The following ATG7 variants were observed in gnomAD, a reference collection of about 807,000 sequenced individuals.
ATG7 encodes ubiquitin-like modifier-activating enzyme ATG7.
ATG7 carries 70 observed loss-of-function variants against 82.4 expected under a neutral mutation model. The ratio of observed to expected loss-of-function variants is 0.85; its 90% CI spans 0.70 to 1.04. The LOEUF (loss-of-function observed/expected upper bound fraction) is 1.04, where lower values mean the gene tolerates loss of function less well. Ranked by LOEUF, ATG7 falls within the 50% of genes least tolerant of loss-of-function variation. The pLI, the probability that ATG7 is intolerant of heterozygous loss-of-function variation, is 0.00. For synonymous variants in ATG7, 287 were observed against 313.0 expected (o/e 0.92, Z 0.88); for missense variants, 792 against 864.3 (o/e 0.92, Z 1.05).
intron 20 of ATG7, among the ~76,000 whole-genome samples, chr3:11,526,016 G>A (rs185001466): frequency 7.2e-5 from 11 of 152,270 alleles, no homozygotes; most frequent in Admixed American, 2.0e-4. Context: ...GTTCAGTGCT[G>A]TGCTGATATA....
intron 17 of ATG7, among the ~76,000 whole-genome samples, chr3:11,363,300 TG>T (rs906827141): frequency 1.7e-4 from 26 of 152,028 alleles, no homozygotes; most frequent in African/African-American, 6.0e-4. Context: ...TGGAGTGTAA[TG>T]GCACGATTTT....
chr3:11,541,067 T>A (rs1390098804), intron 20 of ATG7, among the ~76,000 whole-genome samples: 1 of 151,768 alleles, frequency 6.6e-6, no homozygotes, highest in Non-Finnish European at 1.5e-5. Context: ...ACCTGGCTAA[T>A]TTTTTTGTAT....
chr3:11,279,289 C>CA (rs1355000496), intron 1 of ATG7, among the ~76,000 whole-genome samples: 2 of 152,148 alleles, frequency 1.3e-5, no homozygotes, highest in African/African-American at 4.8e-5. Flanking sequence ...TAGCTCTAAA[C>CA]AAAAAAGAAT....
the ATG7 span, among the ~76,000 whole-genome samples, chr3:11,564,577 C>T: frequency 1.3e-5 from 2 of 151,832 alleles, no homozygotes; most frequent in South Asian, 4.1e-4. Context: ...AAGGCCCGGG[C>T]AGGTCTGGGC....
chr3:11,495,573 C>T (rs748535868), intron 20 of ATG7, among the ~76,000 whole-genome samples: 19 of 152,112 alleles, frequency 1.2e-4, no homozygotes, highest in South Asian at 2.1e-4. Flanking sequence ...AGTTTCCTAA[C>T]GACTGGAAAA....
At chr3:11,478,252 TTAAA>T (rs1352936905) in intron 20 of ATG7, among the ~76,000 whole-genome samples, 1 of 152,186 alleles carries the variant, frequency 6.6e-6, no homozygotes, top group Non-Finnish European at 1.5e-5. Context: ...AAAAAATTAT[TTAAA>T]TGTTTTCCCA....
At chr3:11,339,079 G>A (rs1195894698) in intron 11 of ATG7, among the ~76,000 whole-genome samples, 2 of 151,964 alleles carry the variant, frequency 1.3e-5, no homozygotes, top group Admixed American at 6.6e-5. Flanking sequence ...GGTGGATCAC[G>A]AGGTCAGGAG....
chr3:11,321,594 A>G (rs1950232456), intron 9 of ATG7, among the ~76,000 whole-genome samples: 1 of 152,190 alleles, frequency 6.6e-6, no homozygotes, highest in Admixed American at 6.5e-5. Flanking sequence ...AATGCTTCCT[A>G]TAGTGAAAAA....
chr3:11,322,291 T>C (rs927311793), intron 9 of ATG7, among the ~76,000 whole-genome samples: 3 of 152,224 alleles, frequency 2.0e-5, no homozygotes, highest in African/African-American at 7.2e-5. Flanking sequence ...AAAATTCTAG[T>C]TGTGACCCAG....
chr3:11,544,831 A>C (rs1161842266), intron 20 of ATG7, among the ~76,000 whole-genome samples: 1 of 152,184 alleles, frequency 6.6e-6, no homozygotes. Flanking sequence ...TCTCTACTAG[A>C]CCAGGCTCTG....
intron 20 of ATG7, among the ~76,000 whole-genome samples, chr3:11,466,740 G>T (rs1236225010): frequency 6.6e-6 from 1 of 152,174 alleles, no homozygotes; most frequent in East Asian, 1.9e-4. Flanking sequence ...AAACTCAACT[G>T]TTGGATGCAT....
At chr3:11,576,230 G>A in the ATG7 span, among the ~76,000 whole-genome samples, 1 of 152,128 alleles carries the variant, frequency 6.6e-6, no homozygotes, top group African/African-American at 2.4e-5. Flanking sequence ...AATTCAGATG[G>A]GGCAGGAATC....
Position 11,426,656 on chromosome 3 carries a change from G to GT in ATG7, c.1957-142dup. Reference sequence around the variant, plus strand: ...AGATGATAAATACTAAGCCGTACTAGTTTTTTGGCCACTAGATTGCATTAT... The same window carrying GT: ...AGATGATAAATACTAAGCCGTACTAGTTTTTTTGGCCACTAGATTGCATTAT... On this transcript the variant is annotated intron_variant, in intron 19 of 20. Transcript: ENST00000693202. The GT allele has an allele frequency of 4.7e-6, 3 of 645,082 alleles. No individual in the cohort carries two copies. The South Asian group carries it at 1.0e-4, about 22-fold the overall frequency. 40.0% of individuals were successfully genotyped at this position (645,082 alleles called of 1,614,324 possible). A position where few individuals can be genotyped will look rare whatever the true frequency, so the allele number is the denominator to read the frequency against.
intron 19 of ATG7, among the ~76,000 whole-genome samples, chr3:11,402,444 TA>T (rs1188528759): frequency 6.6e-6 from 1 of 151,424 alleles, no homozygotes; most frequent in East Asian, 1.9e-4. Context: ...AAAAATAAAT[TA>T]AAAAAAGAAA....
the ATG7 span, among the ~76,000 whole-genome samples, chr3:11,563,983 G>T: frequency 6.6e-6 from 1 of 152,144 alleles, no homozygotes; most frequent in East Asian, 1.9e-4. Flanking sequence ...GGACACAGAG[G>T]CTCTTGCAGC....
In ATG7 at chr3:11,556,985, C is replaced by T. The variant is rs1276590596; in HGVS notation, c.*2142C>T. The T allele has an allele frequency of 6.6e-6, 1 of 152,606 alleles. No homozygotes were observed. The highest frequency in any genetic ancestry group is 1.9e-4 in the East Asian group (1 of 5,322). The allele number at this position is 152,606 out of a possible 1,614,324, so 9.5% of individuals were successfully genotyped here. ...CCCAGTGCCAATTTCCAAAATTCAA[C>T]AGCTAAAAACTGTAAAACCGGGGGT... On this transcript the variant is annotated 3_prime_UTR_variant, in exon 21 of 21. Transcript: ENST00000693202.
intron 14 of ATG7, among the ~76,000 whole-genome samples, chr3:11,353,228 G>A (rs2152800284): frequency 6.6e-6 from 1 of 152,192 alleles, no homozygotes; most frequent in Admixed American, 6.5e-5. Flanking sequence ...TGGATCACGA[G>A]GTCAAGAGAT....
intron 20 of ATG7, among the ~76,000 whole-genome samples, chr3:11,501,149 G>A (rs923965561): frequency 6.6e-5 from 10 of 152,248 alleles, no homozygotes; most frequent in African/African-American, 1.9e-4. Context: ...AGCTACCTGG[G>A]ATGCTGAGGT....
intron 20 of ATG7, among the ~76,000 whole-genome samples, chr3:11,478,997 C>CAA (rs10637753): frequency 0.089 from 11,743 of 131,458 alleles, 1,114 homozygotes; most frequent in African/African-American, 0.24. Flanking sequence ...ACAACACACA[C>CAA]ACACACACAC....
Sources: gnomAD v4.1 joint callset for allele counts (sites outside exome capture counted in the v4.1 genomes callset) on GRCh38, gnomAD v4.1.1 for gene constraint, MANE v1.5 for transcripts, NCBI Gene and HGNC (gene_info 2026-07-23, HGNC 2026-07-21) for gene names.